CNTNAP5: variants seen among roughly 807,000 people sequenced by gnomAD.
The protein encoded by CNTNAP5 is contactin-associated protein-like 5.
Under a neutral mutation model 150.2 loss-of-function variants are expected in CNTNAP5, and 72 were observed. The ratio of observed to expected loss-of-function variants is 0.48; its 90% CI spans 0.40 to 0.58. The LOEUF is 0.58. Ranked by LOEUF, CNTNAP5 falls within the 20% of genes least tolerant of loss-of-function variation. The pLI, the probability that CNTNAP5 is intolerant of heterozygous loss-of-function variation, is 0.00. For missense variants in CNTNAP5, 1,636 were observed against 1,626.2 expected (o/e 1.01, Z -0.10); for synonymous variants, 672 against 619.8 (o/e 1.08, Z -1.25).
chr2:124,488,358 C>A (rs749467385), intron 7 of CNTNAP5, among the ~76,000 whole-genome samples: 2 of 151,980 alleles, frequency 1.3e-5, no homozygotes, highest in Non-Finnish European at 2.9e-5. Flanking sequence ...CTCAGAATAA[C>A]CTTATAAAGT....
At chr2:124,741,115 T>C (rs1044564136) in intron 13 of CNTNAP5, among the ~76,000 whole-genome samples, 1 of 152,178 alleles carries the variant, frequency 6.6e-6, no homozygotes, top group African/African-American at 2.4e-5. Flanking sequence ...AAATGAGAAC[T>C]AAAACTCTTC....
At chr2:124,244,605 C>A (rs1021781584) in intron 3 of CNTNAP5, among the ~76,000 whole-genome samples, 1 of 152,026 alleles carries the variant, frequency 6.6e-6, no homozygotes, top group African/African-American at 2.4e-5. Context: ...TCAGGAGCAG[C>A]CTTTTACTAA....
At chr2:124,623,756 T>G (rs902187364) in intron 12 of CNTNAP5, among the ~76,000 whole-genome samples, 1 of 152,200 alleles carries the variant, frequency 6.6e-6, no homozygotes, top group African/African-American at 2.4e-5. Flanking sequence ...AGGGAGGAGC[T>G]CACAAGCTGA....
chr2:124,536,254 AC>A (rs1558944238), intron 10 of CNTNAP5, among the ~76,000 whole-genome samples: 3 of 152,214 alleles, frequency 2.0e-5, no homozygotes, highest in Non-Finnish European at 4.4e-5. Context: ...TGTAACACTT[AC>A]TGAGCAAACA....
At chr2:124,549,059 C>T (rs1366437246) in intron 10 of CNTNAP5, among the ~76,000 whole-genome samples, 1 of 152,204 alleles carries the variant, frequency 6.6e-6, no homozygotes, top group African/African-American at 2.4e-5. Flanking sequence ...TGGGCACAGT[C>T]CCTAATCCTC....
intron 1 of CNTNAP5, among the ~76,000 whole-genome samples, chr2:124,053,804 A>T (rs1167863488): frequency 1.3e-5 from 2 of 152,132 alleles, no homozygotes; most frequent in African/African-American, 4.8e-5. Flanking sequence ...TTGGGGCAAT[A>T]TAATCCAGAA....
intron 3 of CNTNAP5, among the ~76,000 whole-genome samples, chr2:124,345,792 T>G (rs1025467147): frequency 5.9e-5 from 9 of 152,262 alleles, no homozygotes; most frequent in African/African-American, 1.9e-4. Flanking sequence ...TTCAGCAAAA[T>G]TATCCGTTCC....
intron 1 of CNTNAP5, among the ~76,000 whole-genome samples, chr2:124,157,226 C>G (rs150796642): frequency 1.3e-5 from 2 of 152,150 alleles, no homozygotes; most frequent in African/African-American, 4.8e-5. Context: ...CCACCCTCTT[C>G]CCCTGGGTAG....
intron 11 of CNTNAP5, among the ~76,000 whole-genome samples, chr2:124,607,863 G>T (rs1273820964): frequency 6.6e-6 from 1 of 152,126 alleles, no homozygotes; most frequent in Non-Finnish European, 1.5e-5. Context: ...ACACCCAAGG[G>T]CATTATCAGG....
intron 19 of CNTNAP5, among the ~76,000 whole-genome samples, chr2:124,813,662 T>A (rs1682288290): frequency 6.6e-6 from 1 of 151,676 alleles, no homozygotes; most frequent in Non-Finnish European, 1.5e-5. Flanking sequence ...CTCAGCTAGA[T>A]CTGCTTCTGC....
At chr2:124,849,547 A>G (rs2104701765) in intron 19 of CNTNAP5, among the ~76,000 whole-genome samples, 1 of 152,256 alleles carries the variant, frequency 6.6e-6, no homozygotes, top group East Asian at 1.9e-4. Context: ...GAACTCTAGA[A>G]TTGTTTTTCT....
At chr2:124,911,121 G>A (rs1678644793) in intron 22 of CNTNAP5, among the ~76,000 whole-genome samples, 1 of 151,748 alleles carries the variant, frequency 6.6e-6, no homozygotes, top group Admixed American at 6.6e-5. Flanking sequence ...CTCAAGCAGA[G>A]CAGGGCATCA....
At chr2:124,065,848 C>T (rs1682138741) in intron 1 of CNTNAP5, among the ~76,000 whole-genome samples, 1 of 152,168 alleles carries the variant, frequency 6.6e-6, no homozygotes, top group African/African-American at 2.4e-5. Flanking sequence ...ATTTAGTTCA[C>T]AGTATTGATA....
intron 1 of CNTNAP5, among the ~76,000 whole-genome samples, chr2:124,069,209 TC>T (rs1476414478): frequency 1.3e-5 from 2 of 152,074 alleles, no homozygotes; most frequent in Non-Finnish European, 2.9e-5. Context: ...CTAGCAGAAC[TC>T]CCTGTGGGCC....
At chr2:124,842,014 G>A (rs1258232468) in intron 19 of CNTNAP5, among the ~76,000 whole-genome samples, 1 of 152,018 alleles carries the variant, frequency 6.6e-6, no homozygotes, top group Non-Finnish European at 1.5e-5. Flanking sequence ...ATATTAAAAA[G>A]TTTTAAGTGT....
At chr2:124,594,356 G>A (rs576285179) in intron 11 of CNTNAP5, among the ~76,000 whole-genome samples, 101 of 151,084 alleles carry the variant, frequency 6.7e-4, no homozygotes, top group African/African-American at 2.4e-3. Context: ...TCTACATATG[G>A]CTAGCCAGTT....
intron 10 of CNTNAP5, among the ~76,000 whole-genome samples, chr2:124,530,540 G>T (rs1695081159): frequency 6.6e-6 from 1 of 152,128 alleles, no homozygotes; most frequent in South Asian, 2.1e-4. Context: ...CAGGGATTAA[G>T]AAACTTTAAC....
chr2:124,234,546 T>A (rs1296039625), intron 2 of CNTNAP5, among the ~76,000 whole-genome samples: 1 of 152,194 alleles, frequency 6.6e-6, no homozygotes, highest in Non-Finnish European at 1.5e-5. Flanking sequence ...GACACTCCCA[T>A]CCAAGTTTTT....
At chr2:124,553,444 T>C (rs1695677332) in intron 10 of CNTNAP5, among the ~76,000 whole-genome samples, 1 of 147,946 alleles carries the variant, frequency 6.8e-6, no homozygotes, top group African/African-American at 2.5e-5. Flanking sequence ...GTGGAGGTTG[T>C]AGTGAGCCGA....
Sources: allele counts gnomAD v4.1 joint callset (sites outside exome capture counted in the v4.1 genomes callset), GRCh38; gene constraint gnomAD v4.1.1; transcripts MANE v1.5; gene names NCBI Gene and HGNC (gene_info 2026-07-23, HGNC 2026-07-21).